HOPX: variants seen among roughly 807,000 people sequenced by gnomAD.
The protein encoded by HOPX is HOP homeobox.
HOPX carries 5 observed loss-of-function variants against 11.8 expected under a neutral mutation model. The observed-to-expected ratio is 0.43, with a 90% confidence interval of 0.22 to 0.89. The LOEUF (loss-of-function observed/expected upper bound fraction) is 0.89, where lower values mean the gene tolerates loss of function less well. Ranked by LOEUF, HOPX falls within the 40% of genes least tolerant of loss-of-function variation. The pLI is 0.28. For synonymous variants in HOPX, 49 were observed against 49.7 expected, an observed-to-expected ratio of 0.99 and a Z score of 0.06; for missense variants, 119 against 120.0, an observed-to-expected ratio of 0.99 and a Z score of 0.04.
intron 1 of HOPX, among the ~76,000 whole-genome samples, chr4:56,660,565 A>G (rs915579973): frequency 2.0e-5 from 3 of 151,644 alleles, no homozygotes; most frequent in Non-Finnish European, 4.4e-5. Context: ...GATTTGAAAA[A>G]AAATTTTTTT....
chr4:56,652,744 T>C (rs1196393552), intron 3 of HOPX, among the ~76,000 whole-genome samples: 1 of 152,060 alleles, frequency 6.6e-6, no homozygotes, highest in African/African-American at 2.4e-5. Flanking sequence ...TGCCTGAGGC[T>C]GGGAGGCCAA....
At chr4:56,670,512 A>G (rs1156648540) in intron 1 of HOPX, among the ~76,000 whole-genome samples, 1 of 152,238 alleles carries the variant, frequency 6.6e-6, no homozygotes, top group Non-Finnish European at 1.5e-5. Flanking sequence ...GGCAGCTAAT[A>G]AATATTCCTT....
chr4:56,662,488 T>C (rs1027392890), intron 1 of HOPX: 12 of 151,480 alleles, frequency 7.9e-5, no homozygotes, highest in African/African-American at 2.4e-4. Context: ...TTTCTTCTTT[T>C]TTTTTTTTTT....
At chr4:56,659,257 G>T (rs1717960537) in intron 1 of HOPX, 1 of 152,186 alleles carries the variant, frequency 6.6e-6, no homozygotes, top group African/African-American at 2.4e-5. Flanking sequence ...ACAAGCCAGT[G>T]GATTATTCTT....
chr4:56,657,383 G>T (rs1287114346), intron 2 of HOPX, among the ~76,000 whole-genome samples: 1 of 152,182 alleles, frequency 6.6e-6, no homozygotes, highest in Non-Finnish European at 1.5e-5. Context: ...AGGTTGTGAT[G>T]TGGTTTGTGC....
In HOPX at chr4:56,657,824, C is replaced by A. The variant is rs1717859998; in HGVS notation, c.-8G>T. The A allele has an allele frequency of 6.6e-7, 1 of 1,515,204 alleles. No individual in the cohort carries two copies. The highest frequency in any genetic ancestry group is 9.0e-7 in the Non-Finnish European group (1 of 1,113,734). 93.9% of individuals were successfully genotyped at this position (1,515,204 alleles called of 1,614,324 possible). A position where few individuals can be genotyped will look rare whatever the true frequency, so the allele number is the denominator to read the frequency against. ...GCCCAGGAAAATGAGCATAGGAAGA[C>A]TAACTTTCTGAATGTTGCCCAGCTG... is the stretch of plus-strand genomic sequence containing the variant. On this transcript the variant is annotated 5_prime_UTR_variant, in exon 2 of 4. The change abolishes the stop of an existing upstream ORF in the 5' untranslated region. Coordinates refer to ENST00000420433, the MANE Select transcript of HOPX (RefSeq NM_032495.6).
upstream of HOPX, chr4:56,681,394 G>C (rs35627111): frequency 0.03 from 29,444 of 985,472 alleles, 563 homozygotes; most frequent in African/African-American, 0.08. Context: ...ACTCGAGCAA[G>C]GACCTGAAAA....
In HOPX at chr4:56,648,526, A is replaced by C. The variant is rs888486504; in HGVS notation, c.*194T>G. The C allele has an allele frequency of 2.5e-5, 11 of 434,088 alleles. No homozygotes were observed. Among genetic ancestry groups the C allele is most frequent in the Non-Finnish European group, 4.1e-5 (10 of 241,842 alleles). 26.9% of individuals were successfully genotyped at this position (434,088 alleles called of 1,614,324 possible). A position where few individuals can be genotyped will look rare whatever the true frequency, so the allele number is the denominator to read the frequency against. The stretch of plus-strand genomic sequence containing the variant: ...AGCCACTGCTTTACACAGAAGATAC[A>C]CATAGCTTCCTATTGTTATTTTCTT... On this transcript the variant is annotated 3_prime_UTR_variant, in exon 4 of 4. Coordinates refer to ENST00000420433, the MANE Select transcript of HOPX (RefSeq NM_032495.6).
At chr4:56,671,781 G>A (rs1469031724) in intron 1 of HOPX, among the ~76,000 whole-genome samples, 2 of 152,098 alleles carry the variant, frequency 1.3e-5, no homozygotes, top group Non-Finnish European at 2.9e-5. Context: ...CATCAGCCGT[G>A]ATACTGCAGA....
chr4:56,652,788 C>T (rs1717333854), intron 3 of HOPX, among the ~76,000 whole-genome samples: 1 of 151,636 alleles, frequency 6.6e-6, no homozygotes, highest in South Asian at 2.1e-4. Flanking sequence ...CCACTGTACT[C>T]CAGCCTGAAT....
intron 1 of HOPX, chr4:56,659,274 A>G (rs959465272): frequency 1.3e-5 from 2 of 152,220 alleles, no homozygotes; most frequent in African/African-American, 4.8e-5. Flanking sequence ...TCTTTAGCCT[A>G]TATTTCTTTT....
chr4:56,678,492 C>G (rs1719144336), intron 1 of HOPX, among the ~76,000 whole-genome samples: 1 of 138,610 alleles, frequency 7.2e-6, no homozygotes. Flanking sequence ...GCCACCCAGG[C>G]AGGAGTGCAG....
intron 1 of HOPX, among the ~76,000 whole-genome samples, chr4:56,660,299 G>C (rs192916614): frequency 1.3e-5 from 2 of 152,172 alleles, no homozygotes; most frequent in African/African-American, 4.8e-5. Context: ...ACATTACTCT[G>C]AATACATCCC....
chr4:56,652,457 ATGTTAGTT>A (rs760906796), intron 3 of HOPX, among the ~76,000 whole-genome samples: 5 of 152,136 alleles, frequency 3.3e-5, no homozygotes, highest in Non-Finnish European at 5.9e-5. Flanking sequence ...CATGAAACAA[ATGTTAGTT>A]TGGCTTTAGT....
intron 3 of HOPX, among the ~76,000 whole-genome samples, chr4:56,651,969 G>A (rs1243080209): frequency 6.6e-6 from 1 of 151,862 alleles, no homozygotes; most frequent in Non-Finnish European, 1.5e-5. Context: ...GCTGAGGAAG[G>A]AGATTTCCCA....
intron 3 of HOPX, among the ~76,000 whole-genome samples, chr4:56,655,074 G>T (rs554962458): frequency 9.9e-5 from 15 of 152,268 alleles, no homozygotes; most frequent in African/African-American, 3.4e-4. Context: ...CACTTTTCGG[G>T]ATAATACAGG....
chr4:56,677,367 T>C (rs1334488626), intron 1 of HOPX, among the ~76,000 whole-genome samples: 1 of 151,706 alleles, frequency 6.6e-6, no homozygotes, highest in Non-Finnish European at 1.5e-5. Flanking sequence ...AAGGAGCACA[T>C]ATTTTGCATA....
At chr4:56,666,302 C>T (rs145713937) in intron 1 of HOPX, among the ~76,000 whole-genome samples, 12 of 152,252 alleles carry the variant, frequency 7.9e-5, no homozygotes, top group African/African-American at 2.7e-4. Flanking sequence ...TTCAACCAGA[C>T]CAGCTGGAGC....
intron 3 of HOPX, chr4:56,650,875 G>C (rs1717108918): frequency 6.8e-7 from 1 of 1,460,904 alleles, no homozygotes; most frequent in Non-Finnish European, 9.1e-7. Flanking sequence ...ACTGCTAAGG[G>C]TGGGCCCATT....
Sources: allele counts gnomAD v4.1 joint callset (sites outside exome capture counted in the v4.1 genomes callset), GRCh38; gene constraint gnomAD v4.1.1; transcripts MANE v1.5; gene names NCBI Gene and HGNC (gene_info 2026-07-23, HGNC 2026-07-21).